APBB2: variants seen among roughly 807,000 people sequenced by gnomAD.
APBB2 encodes amyloid beta precursor protein binding family B member 2.
A neutral mutation model predicts 82.5 loss-of-function variants in APBB2; 38 were observed. The observed-to-expected ratio is 0.46, with a 90% CI of 0.36 to 0.60. The LOEUF (loss-of-function observed/expected upper bound fraction) is 0.60, where lower values mean the gene tolerates loss of function less well. APBB2 is among the 20% of genes least tolerant of loss of function. APBB2 has a pLI of 0.00. For missense variants in APBB2, 772 were observed against 972.3 expected, an observed-to-expected ratio of 0.79 and a Z score of 2.74; for synonymous variants, 341 against 368.2, an observed-to-expected ratio of 0.93 and a Z score of 0.85.
intron 10 of APBB2, among the ~76,000 whole-genome samples, chr4:40,894,098 C>A (rs1018750602): frequency 6.6e-6 from 1 of 152,054 alleles, no homozygotes; most frequent in Admixed American, 6.5e-5. Context: ...ACCATCCCGG[C>A]TAACACGGTG....
At chr4:41,062,778 G>C (rs148888263) in intron 4 of APBB2, among the ~76,000 whole-genome samples, 112 of 152,276 alleles carry the variant, frequency 7.4e-4, no homozygotes, top group African/African-American at 2.6e-3. Flanking sequence ...TCTACGCTGA[G>C]CACAGGTAGC....
At position 40,930,462 on chromosome 4, in the gene APBB2, C is replaced by T. The variant is rs866903125; in HGVS notation, c.1254+3994G>A. On this transcript the variant is annotated intron_variant, in intron 10 of 17. Coordinates refer to ENST00000508593, the MANE Select transcript of APBB2 (RefSeq NM_004307.2). ...GTGTGTGTGTGTGCGCGCGCGCGCG[C>T]GCGCGTGCGCGTGCGCGTATGCGTG... Among the ~76,000 whole-genome samples, 16 of 103,782 alleles carry T rather than the reference C, an allele frequency of 1.5e-4. 2 individuals are homozygous for T. The highest frequency in any genetic ancestry group is 2.3e-4 in the East Asian group (1 of 4,362). The allele number at this position is 103,782 out of a possible 152,430, so 68.1% of individuals were successfully genotyped here. A position where few individuals can be genotyped will look rare whatever the true frequency, so the allele number is the denominator to read the frequency against.
chr4:41,203,521 T>C (rs985548004), intron 1 of APBB2, among the ~76,000 whole-genome samples: 1 of 152,166 alleles, frequency 6.6e-6, no homozygotes, highest in African/African-American at 2.4e-5. Flanking sequence ...TGCAGGAGGT[T>C]TTCCCCCCTG....
intron 4 of APBB2, 128 bp downstream of exon 4, chr4:41,065,448 C>T (rs988484894): frequency 6.6e-6 from 1 of 152,190 alleles, no homozygotes; most frequent in Non-Finnish European, 1.5e-5. Context: ...CTAGAGCAAT[C>T]CATTCTCTTG....
chr4:41,084,912 A>C (rs1002323797), intron 3 of APBB2, among the ~76,000 whole-genome samples: 1 of 152,206 alleles, frequency 6.6e-6, no homozygotes, highest in Admixed American at 6.5e-5. Flanking sequence ...CAGTATAAGT[A>C]AGTCATTAAA....
chr4:40,856,689 G>A (rs1029313388), intron 12 of APBB2, among the ~76,000 whole-genome samples: 3 of 146,776 alleles, frequency 2.0e-5, no homozygotes, highest in Non-Finnish European at 4.6e-5. Flanking sequence ...GTCCACGGCA[G>A]AAATGCCCCG....
chr4:40,914,861 T>G (rs1370891278), intron 10 of APBB2, among the ~76,000 whole-genome samples: 1 of 152,128 alleles, frequency 6.6e-6, no homozygotes, highest in Non-Finnish European at 1.5e-5. Context: ...CTCTTAAGCT[T>G]TCTAGATTTT....
At chr4:40,929,381 GCT>G (rs1355053517) in intron 10 of APBB2, among the ~76,000 whole-genome samples, 8 of 152,114 alleles carry the variant, frequency 5.3e-5, no homozygotes, top group Admixed American at 2.6e-4. Flanking sequence ...CCCACTGCAA[GCT>G]CTGTCTCCTG....
intron 1 of APBB2, among the ~76,000 whole-genome samples, chr4:41,162,137 T>G (rs573222781): frequency 6.6e-6 from 1 of 151,452 alleles, no homozygotes; most frequent in African/African-American, 2.4e-5. Context: ...TTAACACACC[T>G]ATAAAAATTA....
At chr4:41,196,158 C>CAA in intron 1 of APBB2, among the ~76,000 whole-genome samples, 7,394 of 143,782 alleles carry the variant, frequency 0.051, 379 homozygotes, top group African/African-American at 0.12. Flanking sequence ...GACTCCGTCT[C>CAA]AAAAAAAAAA....
intron 17 of APBB2, among the ~76,000 whole-genome samples, chr4:40,819,176 C>CTTTTT (rs1188181954): frequency 2.2e-5 from 3 of 135,228 alleles, no homozygotes; most frequent in Admixed American, 7.9e-5. Flanking sequence ...CCTTGGCTCT[C>CTTTTT]TTTTTTTTTT....
intron 17 of APBB2, among the ~76,000 whole-genome samples, chr4:40,820,980 T>G (rs1747720032): frequency 6.6e-6 from 1 of 152,146 alleles, no homozygotes; most frequent in Non-Finnish European, 1.5e-5. Context: ...GTGATTCTCC[T>G]GCCTCAGCCT....
At chr4:41,119,464 C>T (rs986552249) in intron 2 of APBB2, among the ~76,000 whole-genome samples, 4 of 150,180 alleles carry the variant, frequency 2.7e-5, no homozygotes, top group African/African-American at 9.8e-5. Flanking sequence ...GAATTTACCA[C>T]ACCTCCTACT....
At chr4:40,871,194 G>C (rs1003759498) in intron 12 of APBB2, among the ~76,000 whole-genome samples, 1 of 151,958 alleles carries the variant, frequency 6.6e-6, no homozygotes, top group African/African-American at 2.4e-5. Flanking sequence ...CAGGCTAGAG[G>C]GCAATGTTGC....
chr4:40,964,453 A>AGCTAGATGACACATTAGTGGGTGC (rs1560400582), intron 6 of APBB2, among the ~76,000 whole-genome samples: 11 of 144,138 alleles, frequency 7.6e-5, no homozygotes, highest in African/African-American at 2.6e-4. Flanking sequence ...TAAGATAAAC[A>AGCTAGATGACACATTAGTGGGTGC]AATCATTTTT....
chr4:41,024,975 G>A (rs752093828), intron 5 of APBB2, among the ~76,000 whole-genome samples: 8 of 152,148 alleles, frequency 5.3e-5, no homozygotes, highest in East Asian at 1.9e-4. Context: ...ACGCCACTAC[G>A]ATTCGCGCCA....
chr4:41,034,124 G>A (rs1468778729), intron 4 of APBB2, among the ~76,000 whole-genome samples: 3 of 152,226 alleles, frequency 2.0e-5, no homozygotes, highest in Non-Finnish European at 2.9e-5. Context: ...CCCACTGCTC[G>A]GCAATTCCAC....
At chr4:41,156,046 T>C (rs190926435) in intron 1 of APBB2, among the ~76,000 whole-genome samples, 89 of 151,836 alleles carry the variant, frequency 5.9e-4, no homozygotes, top group African/African-American at 1.9e-3. Context: ...ATTTTAGTAG[T>C]ACATAAGTTG....
chr4:40,933,203 C>T (rs931550029), intron 10 of APBB2, among the ~76,000 whole-genome samples: 2 of 152,134 alleles, frequency 1.3e-5, no homozygotes, highest in African/African-American at 4.8e-5. Flanking sequence ...GTTACAATCC[C>T]TCAGGCATGG....
Sources: gnomAD v4.1 joint callset for allele counts (sites outside exome capture counted in the v4.1 genomes callset) on GRCh38, gnomAD v4.1.1 for gene constraint, MANE v1.5 for transcripts, NCBI Gene and HGNC (gene_info 2026-07-23, HGNC 2026-07-21) for gene names.